EFCAB3: variants seen among roughly 807,000 people sequenced by gnomAD.
EFCAB3 encodes the protein EF-hand calcium-binding domain-containing protein 3.
Under a neutral mutation model 42.2 loss-of-function variants are expected in EFCAB3, and 36 were observed. The observed-to-expected ratio is 0.85, with a 90% confidence interval of 0.65 to 1.13. EFCAB3 has a LOEUF of 1.13. EFCAB3 is among the 50% of genes most tolerant of loss of function. The probability of loss-of-function intolerance (pLI) is 0.00; values close to 1 mark genes in which losing one functional copy is unlikely to be tolerated. For missense variants in EFCAB3, 418 were observed against 505.1 expected, an observed-to-expected ratio of 0.83 and a Z score of 1.65; for synonymous variants, 170 against 172.8, an observed-to-expected ratio of 0.98 and a Z score of 0.13.
Position 62,395,169 on chromosome 17 carries a change from T to G in EFCAB3, c.469T>G (p.Ser157Ala), listed in dbSNP as rs2070338613. Residue 157 changes from serine (S) to alanine (A), a missense_variant, in exon 6 of 10, where the codon TCT becomes GCT. Ser to Ala is a moderately conservative substitution (Grantham distance 99). Transcript: ENST00000305286. ...AGAGACTTCAGCCCTACCCAGAAAG[T>G]CTATAATAGAAATAGTAAGGTAAGT... ...LLETSALPRK[S>A]IIEIVSYFQR... 1 of 1,613,640 alleles carries G rather than the reference T, an allele frequency of 6.2e-7. No individual in the cohort carries two copies. The highest frequency in any genetic ancestry group is 1.7e-5 in the Admixed American group (1 of 59,942).
At chr17:62,395,005 G>A (rs1244998799) in intron 5 of EFCAB3, 63 bp from the exon 6 acceptor site, 14 of 1,578,808 alleles carry the variant, frequency 8.9e-6, no homozygotes, top group African/African-American at 4.1e-5. Context: ...AATCAGTAAA[G>A]AGGTGGTCAA....
At chr17:62,409,349 G>A (rs1218385064) in intron 8 of EFCAB3, among the ~76,000 whole-genome samples, 5 of 151,952 alleles carry the variant, frequency 3.3e-5, no homozygotes, top group Non-Finnish European at 7.4e-5. Flanking sequence ...GAGCCACCAC[G>A]TTTGGCCAAT....
At position 62,393,662 on chromosome 17, in the gene EFCAB3, G is replaced by T; in HGVS notation, c.367+18G>T. 1 of 1,609,572 alleles carries T rather than the reference G, an allele frequency of 6.2e-7. No individual in the cohort carries two copies. The highest frequency in any genetic ancestry group is 1.1e-5 in the South Asian group (1 of 90,782). ...GGCAGTGGGTGAGTAGAGATGTTAT[G>T]AACAGAAGGCAGTTGGGCAGCTACA... On this transcript the variant is annotated intron_variant, in intron 5 of 9. Transcript: ENST00000305286.
chr17:62,387,492 C>T (rs2070263703), intron 3 of EFCAB3, 76 bp downstream of exon 3: 1 of 1,285,704 alleles, frequency 7.8e-7, no homozygotes. Flanking sequence ...TAAGAAAGAT[C>T]TGAGATTTCA....
At chr17:62,397,852 G>A (rs972548998) in intron 6 of EFCAB3, 9 of 276,912 alleles carry the variant, frequency 3.3e-5, no homozygotes, top group Non-Finnish European at 4.9e-5. Context: ...GTGAAACCCC[G>A]TCTCTACTAA....
chr17:62,397,680 T>TG, intron 6 of EFCAB3: 1 of 577,054 alleles, frequency 1.7e-6, no homozygotes, highest in South Asian at 1.5e-5. Flanking sequence ...GGTGGTTGCT[T>TG]GAACTTTATT....
Position 62,407,080 on chromosome 17 carries a change from G to T in EFCAB3, c.735G>T (p.Leu245Phe), listed in dbSNP as rs748813595. The change falls in exon 8 of 10, where the codon TTG becomes TTT. Residue 245 changes from leucine to phenylalanine, a missense_variant. Leu to Phe is a conservative substitution (Grantham distance 22, BLOSUM62 0). Coordinates refer to ENST00000305286, the MANE Select transcript of EFCAB3 (RefSeq NM_173503.4). ...SPYSKIPIFP[L>F]FPNVDGVVMG... is the part of the protein sequence containing the mutation. ...ATTCAAAAATACCCATCTTTCCATTGTTCCCTAATGTGGATGGGGTGGTGA... is the reference window on the plus strand; with the variant it reads ...ATTCAAAAATACCCATCTTTCCATTTTTCCCTAATGTGGATGGGGTGGTGA... 1.9e-6 allele frequency: 3 copies of T among 1,606,732 alleles called. No homozygotes were observed. Among genetic ancestry groups the T allele is most frequent in the Non-Finnish European group, 2.5e-6 (3 of 1,177,846 alleles).
intron 6 of EFCAB3, among the ~76,000 whole-genome samples, chr17:62,401,975 T>C (rs2144098922): frequency 1.3e-5 from 2 of 152,300 alleles, no homozygotes; most frequent in Middle Eastern, 3.4e-3. Context: ...TGAGCAGTGG[T>C]TTGTAATTAT....
chr17:62,381,847 G>C, intron 1 of EFCAB3: 1 of 433,742 alleles, frequency 2.3e-6, no homozygotes, highest in Non-Finnish European at 4.6e-6. Context: ...CAGGGTATTG[G>C]CAAGGTTGCC....
At position 62,380,568 on chromosome 17, in the gene EFCAB3, AT is replaced by A; in HGVS notation, c.-62del. 1.0e-6 allele frequency: 1 copy of A among 985,410 alleles called. No individual in the cohort carries two copies. Among genetic ancestry groups the A allele is most frequent in the South Asian group, 4.7e-5 (1 of 21,288 alleles). The allele number at this position is 985,410 out of a possible 1,614,324, so 61.0% of individuals were successfully genotyped here. A position where few individuals can be genotyped will look rare whatever the true frequency, so the allele number is the denominator to read the frequency against. ...GAACAAACCCTTTATTGGATTCCTG[AT>A]CTGATTGAAGCCCAGAAGTGGTAGG... is the stretch of plus-strand genomic sequence containing the variant. On this transcript the variant is annotated 5_prime_UTR_variant, in exon 1 of 10. Coordinates refer to ENST00000305286, the MANE Select transcript of EFCAB3 (RefSeq NM_173503.4).
At chr17:62,406,415 G>T in intron 6 of EFCAB3, 65 bp from the exon 7 acceptor site, 2 of 1,395,972 alleles carry the variant, frequency 1.4e-6, no homozygotes, top group East Asian at 2.5e-5. Flanking sequence ...CTAGCAACTT[G>T]ACTTTTTAAA....
At chr17:62,372,395 C>A (rs1441327014) in intron 1 of EFCAB3, among the ~76,000 whole-genome samples, 1 of 152,050 alleles carries the variant, frequency 6.6e-6, no homozygotes. Flanking sequence ...TGTCCTCCTA[C>A]CTCAGCCTCC....
chr17:62,375,464 C>G (rs1452192988), intron 2 of EFCAB3, among the ~76,000 whole-genome samples: 1 of 152,184 alleles, frequency 6.6e-6, no homozygotes, highest in Non-Finnish European at 1.5e-5. Context: ...ATTTTTTGAG[C>G]ACCCAGACAC....
intron 5 of EFCAB3, among the ~76,000 whole-genome samples, chr17:62,394,084 G>A (rs1175505504): frequency 6.6e-6 from 1 of 152,036 alleles, no homozygotes; most frequent in African/African-American, 2.4e-5. Flanking sequence ...CCTCCCGGTA[G>A]CTGGGACTAC....
At chr17:62,373,548 G>T (rs558134211) in intron 1 of EFCAB3, among the ~76,000 whole-genome samples, 1 of 151,994 alleles carries the variant, frequency 6.6e-6, no homozygotes, top group East Asian at 1.9e-4. Flanking sequence ...TTGAGCCAGG[G>T]AGGTCAAGGT....
chr17:62,397,425 C>T, intron 6 of EFCAB3: 1 of 480,864 alleles, frequency 2.1e-6, no homozygotes, highest in Non-Finnish European at 4.0e-6. Context: ...CTTCGTGTGG[C>T]TAGGAAGCTC....
chr17:62,385,781 G>A (rs1417978126), intron 2 of EFCAB3, among the ~76,000 whole-genome samples: 6 of 142,658 alleles, frequency 4.2e-5, no homozygotes, highest in Admixed American at 1.5e-4. Flanking sequence ...GTGCAGTGAC[G>A]TGATCTCTGC....
At position 62,401,076 on chromosome 17, in the gene EFCAB3, T is replaced by A. The variant is rs35131323; in HGVS notation, c.489-5404T>A. 5.3e-5 allele frequency among the ~76,000 whole-genome samples: 8 copies of A among 152,228 alleles called. No individual in the cohort carries two copies. The East Asian group carries it at 1.5e-3, about 29-fold the overall frequency. On this transcript the variant is annotated intron_variant, in intron 6 of 9. Transcript: ENST00000305286. Reference sequence around the variant, plus strand: ...TTTTTTCATGTGTCTGTTGGCTGCATAAATGTCTTCTTTTGAGAAGTATCT... The same window carrying A: ...TTTTTTCATGTGTCTGTTGGCTGCAAAAATGTCTTCTTTTGAGAAGTATCT...
chr17:62,385,030 T>G (rs2070236725), intron 2 of EFCAB3, among the ~76,000 whole-genome samples: 1 of 152,200 alleles, frequency 6.6e-6, no homozygotes, highest in African/African-American at 2.4e-5. Context: ...TAAATGCATT[T>G]TCAATTTACA....
Sources: allele counts gnomAD v4.1 joint callset (sites outside exome capture counted in the v4.1 genomes callset), GRCh38; gene constraint gnomAD v4.1.1; transcripts MANE v1.5; gene names NCBI Gene and HGNC (gene_info 2026-07-23, HGNC 2026-07-21).